MGAT4B: variants seen among roughly 807,000 people sequenced by gnomAD.
The protein encoded by MGAT4B is alpha-1,3-mannosyl-glycoprotein 4-beta-N-acetylglucosaminyltransferase B.
In MGAT4B, 38 loss-of-function variants were observed where a neutral mutation model predicts 73.9. That is an observed-to-expected ratio of 0.51 (90% CI 0.40 to 0.67). The LOEUF (loss-of-function observed/expected upper bound fraction) is 0.67, where lower values mean the gene tolerates loss of function less well. MGAT4B is among the 30% of genes least tolerant of loss of function. MGAT4B has a pLI of 0.00. For synonymous variants in MGAT4B, 373 were observed against 313.5 expected (o/e 1.19, Z -2.01); for missense variants, 686 against 735.2 (o/e 0.93, Z 0.77).
chr5:179,799,240 G>A lies in MGAT4B; in HGVS notation c.1112C>T (p.Thr371Ile). ...GATCTTGCCAGCCAGCGAGGAGTGA[G>A]TGCCCACGTGCTGGAAGAGGGACGG... ...FKPSLFQHVG[T>I]HSSLAGKIQK... The change falls in exon 10 of 15, where the codon ACT (threonine) becomes ATT (isoleucine). Residue 371 changes from threonine to isoleucine, a missense_variant. By Grantham distance (89) the Thr-to-Ile change is moderately conservative. Around this residue, in one of 2 missense-constraint regions of MGAT4B, gnomAD observed 449 missense variants for 536.8 expected, o/e 0.84. Coordinates refer to ENST00000292591, the MANE Select transcript of MGAT4B (RefSeq NM_014275.5). 6.2e-7 allele frequency: 1 copy of A among 1,614,034 alleles called. No homozygotes were observed. Among genetic ancestry groups the A allele is most frequent in the Admixed American group, 1.7e-5 (1 of 60,022 alleles).
rs147009629 is a variant in MGAT4B, at chr5:179,801,658, C to T, written c.320G>A (p.Arg107Gln). 8.9e-5 allele frequency: 143 copies of T among 1,606,570 alleles called. No individual in the cohort carries two copies. Among genetic ancestry groups the T allele is most frequent in the Admixed American group, 3.4e-5 (2 of 58,736 alleles). The change falls in exon 3 of 15, where the codon CGG (arginine) becomes CAG (glutamine). Residue 107 changes from arginine to glutamine, a missense_variant. Around this residue, in one of 2 missense-constraint regions of MGAT4B, gnomAD observed 237 missense variants for 198.5 expected, o/e 1.19. Transcript: ENST00000292591. The surrounding 1 kb of genome is among the most constrained non-coding windows in gnomAD (Gnocchi z 4.8). The part of the protein sequence containing the change: ...PRLKPWNGSH[R>Q]HVLHLPTVFH... Reference sequence around the variant, plus strand: ...GACGGTGGGCAGGTGCAGCACGTGCCGGTGTGAGCCGTTCCACGGCTTCAA... The same window carrying T: ...GACGGTGGGCAGGTGCAGCACGTGCTGGTGTGAGCCGTTCCACGGCTTCAA...
chr5:179,799,825 G>T, intron 8 of MGAT4B, 129 bp downstream of exon 8: 1 of 1,233,458 alleles, frequency 8.1e-7, no homozygotes, highest in Non-Finnish European at 1.2e-6. Context: ...GGCCAGGTGG[G>T]GCTGTAGCAC....
intron 1 of MGAT4B, among the ~76,000 whole-genome samples, chr5:179,805,776 G>A (rs1757123014): frequency 6.6e-6 from 1 of 152,224 alleles, no homozygotes; most frequent in Non-Finnish European, 1.5e-5. Context: ...GAGCGCCTCC[G>A]AGGGCTCAGG....
intron 1 of MGAT4B, among the ~76,000 whole-genome samples, chr5:179,805,879 G>A (rs1757129949): frequency 6.6e-6 from 1 of 152,156 alleles, no homozygotes; most frequent in Admixed American, 6.5e-5. Context: ...CTGGGCGCAC[G>A]CGGAGGGCGG....
In MGAT4B at chr5:179,797,744, C is replaced by G. The variant is rs959174910; in HGVS notation, c.*301G>C. The G allele has an allele frequency of 1.1e-5, 4 of 379,716 alleles. No homozygotes were observed. Among genetic ancestry groups the G allele is most frequent in the African/African-American group, 6.5e-5 (3 of 46,304 alleles). 23.5% of individuals were successfully genotyped at this position (379,716 alleles called of 1,614,324 possible). ...TGCATTCCAGTGTTCGCGCCAGAGA[C>G]GGCGGGCGCCCAAGTAAAAGCTCTT... On this transcript the variant is annotated 3_prime_UTR_variant, in exon 15 of 15. Coordinates refer to ENST00000292591, the MANE Select transcript of MGAT4B (RefSeq NM_014275.5).
Position 179,797,983 on chromosome 5 carries a change from A to T in MGAT4B, c.*62T>A. On this transcript the variant is annotated 3_prime_UTR_variant, in exon 15 of 15. Transcript: ENST00000292591. ...ATCTGGCCCTCCGGGGACGGCAGTG[A>T]CGACACCCCCAGAAATGTGGGCTTC... 6.4e-7 allele frequency: 1 copy of T among 1,567,206 alleles called. No homozygotes were observed. Among genetic ancestry groups the T allele is most frequent in the Non-Finnish European group, 8.7e-7 (1 of 1,153,786 alleles).
rs1470532018 is a variant in MGAT4B at position 179,797,649 on chromosome 5, G to A, written c.*396C>T. On this transcript the variant is annotated 3_prime_UTR_variant, in exon 15 of 15. Coordinates refer to ENST00000292591, the MANE Select transcript of MGAT4B (RefSeq NM_014275.5). Reference sequence around the variant, plus strand: ...TATTACAAGTCACGCTCTTATAGAAGTATATGTGGACTTACGTGAAAAAAT... The same window carrying A: ...TATTACAAGTCACGCTCTTATAGAAATATATGTGGACTTACGTGAAAAAAT... 1 of 183,934 alleles carries A rather than the reference G, an allele frequency of 5.4e-6. No homozygotes were observed. Among genetic ancestry groups the A allele is most frequent in the Non-Finnish European group, 1.1e-5 (1 of 88,994 alleles). 11.4% of individuals were successfully genotyped at this position (183,934 alleles called of 1,614,324 possible).
intron 14 of MGAT4B, 26 bp from the exon 15 acceptor site, chr5:179,798,094 C>A: frequency 6.2e-7 from 1 of 1,607,514 alleles, no homozygotes; most frequent in Non-Finnish European, 8.5e-7. Context: ...CCAGGGTCAG[C>A]AGGGCCTCTG....
Position 179,797,755 on chromosome 5 carries a change from CAAGTAA to C in MGAT4B, c.*284_*289del. 2.5e-6 allele frequency: 1 copy of C among 397,128 alleles called. No individual in the cohort carries two copies. The highest frequency in any genetic ancestry group is 6.7e-4 in the Middle Eastern group (1 of 1,498). The allele number at this position is 397,128 out of a possible 1,614,324, so 24.6% of individuals were successfully genotyped here. A position where few individuals can be genotyped will look rare whatever the true frequency, so the allele number is the denominator to read the frequency against. ...GTTCGCGCCAGAGACGGCGGGCGCC[CAAGTAA>C]AAGCTCTTCTAAAACGGCCTGACTG... On this transcript the variant is annotated 3_prime_UTR_variant, in exon 15 of 15. Coordinates refer to ENST00000292591, the MANE Select transcript of MGAT4B (RefSeq NM_014275.5).
intron 1 of MGAT4B, chr5:179,803,126 G>C: frequency 1.0e-6 from 1 of 985,612 alleles, no homozygotes; most frequent in Non-Finnish European, 1.2e-6. Context: ...CAAGTGACCA[G>C]GGAAGAGGAA....
Position 179,799,575 on chromosome 5 carries a change from C to T in MGAT4B, c.972G>A (p.Arg324=), listed in dbSNP as rs1238445669. The T allele has an allele frequency of 1.2e-6, 2 of 1,613,858 alleles. No homozygotes were observed. The highest frequency in any genetic ancestry group is 1.7e-6 in the Non-Finnish European group (2 of 1,180,038). Residue 324 remains arginine, a synonymous_variant, in exon 9 of 15, where the codon CGG becomes CGA. Transcript: ENST00000292591. ...LIVEFILMFY[R]DKPIDWLLDH... ...CCAGGAGCCAGTCGATGGGCTTGTC[C>T]CGGTAGAACATGAGAATGAACTCTA... is the stretch of plus-strand genomic sequence containing the variant.
chr5:179,799,871 C>G (rs1477176398), intron 8 of MGAT4B, 83 bp downstream of exon 8: 1 of 1,394,104 alleles, frequency 7.2e-7, no homozygotes, highest in African/African-American at 1.4e-5. Context: ...CAAAGGCTCA[C>G]AGTGGACACA....
chr5:179,800,494 C>G lies in MGAT4B; in HGVS notation c.709G>C (p.Glu237Gln), dbSNP rs1308514211. 6.2e-7 allele frequency: 1 copy of G among 1,605,786 alleles called. No homozygotes were observed. The highest frequency in any genetic ancestry group is 8.5e-7 in the Non-Finnish European group (1 of 1,176,106). Reference protein sequence around the residue: ...RLRESFGDPKERVRWRTKQNL... With the variant: ...RLRESFGDPKQRVRWRTKQNL... ...GGGAGTAACTAGTACCTGACTCTCT[C>G]CTTGGGGTCCCCAAAGGACTCTCGG... The change falls in exon 6 of 15, where the codon GAG (glutamate) becomes CAG (glutamine). Residue 237 changes from glutamate (E) to glutamine (Q), a missense_variant. Coordinates refer to ENST00000292591, the MANE Select transcript of MGAT4B (RefSeq NM_014275.5).
chr5:179,800,890 G>T lies in MGAT4B; in HGVS notation c.605+17C>A. On this transcript the variant is annotated intron_variant, in intron 5 of 14. Coordinates refer to ENST00000292591, the MANE Select transcript of MGAT4B (RefSeq NM_014275.5). ...GAGCTCTCCCGCCACCAGCTCTCTG[G>T]GGTCGCCAGTACTCACAAGGCCTTG... 1 of 1,612,408 alleles carries T rather than the reference G, an allele frequency of 6.2e-7. No homozygotes were observed. Among genetic ancestry groups the T allele is most frequent in the Non-Finnish European group, 8.5e-7 (1 of 1,179,600 alleles).
rs371486221 is a variant in MGAT4B, at chr5:179,801,770, G to A, written c.283+14C>T. 237 of 813,286 alleles carry A rather than the reference G, an allele frequency of 2.9e-4. No individual in the cohort carries two copies. Among genetic ancestry groups the A allele is most frequent in the East Asian group, 2.6e-3 (53 of 20,512 alleles). 50.4% of individuals were successfully genotyped at this position (813,286 alleles called of 1,614,324 possible). On this transcript the variant is annotated intron_variant, in intron 2 of 14. Coordinates refer to ENST00000292591, the MANE Select transcript of MGAT4B (RefSeq NM_014275.5). The surrounding 1 kb of genome is among the most constrained non-coding windows in gnomAD (Gnocchi z 4.8). ...CCCGCCCCCGCCTTTTCCCCCTCCC[G>A]CCCCAGACCTCACCTGTTAGGCGGC...
chr5:179,803,139 G>A, intron 1 of MGAT4B: 16 of 985,584 alleles, frequency 1.6e-5, no homozygotes, highest in Non-Finnish European at 1.9e-5. Context: ...AAGAGGAAGG[G>A]GTGGACCTGG....
intron 1 of MGAT4B, among the ~76,000 whole-genome samples, chr5:179,804,416 G>A (rs1414662118): frequency 1.3e-5 from 2 of 152,172 alleles, no homozygotes; most frequent in Non-Finnish European, 2.9e-5. Context: ...CTGCATGGCT[G>A]AGACCCCGGG....
In MGAT4B at chr5:179,799,648, G is replaced by T. The variant is rs1056654845; in HGVS notation, c.911-12C>A. ...CTTGAACATCTTACCTGGTGGGGAG[G>T]GGCCTGAGTGGGCAGTGCTGCTCTG... On this transcript the variant is annotated splice_polypyrimidine_tract_variant and intron_variant, in intron 8 of 14. Transcript: ENST00000292591. 6 of 1,613,258 alleles carry T rather than the reference G, an allele frequency of 3.7e-6. No homozygotes were observed. The African/African-American group carries it at 6.7e-5, about 18-fold the overall frequency.
rs145855913 is a variant in MGAT4B, at chr5:179,800,213, C to T, written c.766G>A (p.Ala256Thr). ...NLDYCFLMMY[A>T]QSKGIYYVQL... is the part of the protein sequence containing the mutation. Reference sequence around the variant, plus strand: ...ACGTAGTAGATGCCTTTGGACTGCGCGTACATCATGAGGAAGCAGTAATCG... The same window carrying T: ...ACGTAGTAGATGCCTTTGGACTGCGTGTACATCATGAGGAAGCAGTAATCG... The change falls in exon 7 of 15, where the codon GCG (alanine) becomes ACG (threonine). Residue 256 changes from alanine (A) to threonine (T), a missense_variant. Ala to Thr is a moderately conservative substitution (Grantham distance 58). This residue lies in a region of MGAT4B where 449 missense variants were observed against 536.8 expected (regional missense o/e 0.84). Transcript: ENST00000292591. 2.8e-5 allele frequency: 45 copies of T among 1,613,592 alleles called. No individual in the cohort carries two copies. Among genetic ancestry groups the T allele is most frequent in the South Asian group, 5.5e-5 (5 of 91,088 alleles).
Sources: allele counts gnomAD v4.1 joint callset (sites outside exome capture counted in the v4.1 genomes callset), GRCh38; gene constraint gnomAD v4.1.1; regional missense constraint gnomAD v4.1.1; non-coding constraint Gnocchi (gnomAD v3.1); transcripts MANE v1.5; gene names NCBI Gene and HGNC (gene_info 2026-07-23, HGNC 2026-07-21).